SKIC3: variants seen among roughly 807,000 people sequenced by gnomAD.
The protein encoded by SKIC3 is SKI3 subunit of superkiller complex.
the SKIC3 span, among the ~76,000 whole-genome samples, chr5:95,470,833 A>C: frequency 6.6e-6 from 1 of 152,146 alleles, no homozygotes; most frequent in South Asian, 2.1e-4. Context: ...AGTATTTCTG[A>C]AGAAACAGTA....
At chr5:95,513,620 C>T in the SKIC3 span, 5 of 1,613,708 alleles carry the variant, frequency 3.1e-6, no homozygotes, top group African/African-American at 1.3e-5. Flanking sequence ...GGTGTCATAA[C>T]TTCCAACTGC....
chr5:95,477,758 T>C, the SKIC3 span, among the ~76,000 whole-genome samples: 1 of 152,186 alleles, frequency 6.6e-6, no homozygotes, highest in Non-Finnish European at 1.5e-5. Flanking sequence ...AACACTCCAT[T>C]AGAATTATAT....
chr5:95,479,084 C>A, the SKIC3 span, among the ~76,000 whole-genome samples: 2 of 151,988 alleles, frequency 1.3e-5, no homozygotes, highest in South Asian at 4.1e-4. Context: ...GTAAAAGGGG[C>A]ATAACTATAT....
At chr5:95,514,755 C>G in the SKIC3 span, 1 of 1,216,624 alleles carries the variant, frequency 8.2e-7, no homozygotes, top group East Asian at 2.6e-5. Context: ...ACAAAGTAAG[C>G]CCTCAAATGC....
chr5:95,528,076 T>A, the SKIC3 span: 52 of 1,613,842 alleles, frequency 3.2e-5, no homozygotes, highest in Non-Finnish European at 4.3e-5. Context: ...TCAAAGCCTC[T>A]GCTTTCAAAT....
At chr5:95,481,664 T>G in the SKIC3 span, among the ~76,000 whole-genome samples, 13 of 152,122 alleles carry the variant, frequency 8.5e-5, no homozygotes, top group Admixed American at 7.9e-4. Context: ...ATGTTGATCT[T>G]AAATCCTAAA....
At chr5:95,520,560 C>T in the SKIC3 span, among the ~76,000 whole-genome samples, 2 of 149,676 alleles carry the variant, frequency 1.3e-5, no homozygotes, top group Non-Finnish European at 3.0e-5. Context: ...AAAATTAATA[C>T]AACATGTATG....
At chr5:95,541,367 T>C in the SKIC3 span, 1 of 1,613,636 alleles carries the variant, frequency 6.2e-7, no homozygotes, top group South Asian at 1.1e-5. Flanking sequence ...TCACACCACT[T>C]CTGCTTGTCA....
the SKIC3 span, among the ~76,000 whole-genome samples, chr5:95,506,725 A>G: frequency 6.6e-6 from 1 of 152,210 alleles, no homozygotes; most frequent in African/African-American, 2.4e-5. Context: ...TCAACAAACC[A>G]TGAGTTCTAA....
the SKIC3 span, chr5:95,546,952 G>A: frequency 9.4e-7 from 1 of 1,063,288 alleles, no homozygotes; most frequent in Non-Finnish European, 1.4e-6. Flanking sequence ...CTACTAAATG[G>A]CCTTACCACT....
At chr5:95,504,036 C>T in the SKIC3 span, 68 of 1,228,270 alleles carry the variant, frequency 5.5e-5, no homozygotes, top group Non-Finnish European at 7.1e-5. Flanking sequence ...GGGCCGGACG[C>T]GGTGGCTCAC....
At chr5:95,530,248 G>T in the SKIC3 span, 2 of 1,611,976 alleles carry the variant, frequency 1.2e-6, no homozygotes, top group Non-Finnish European at 1.7e-6. Context: ...AAAAGGAAAG[G>T]TTATTAGTAT....
chr5:95,534,666 C>T, the SKIC3 span, among the ~76,000 whole-genome samples: 1 of 152,194 alleles, frequency 6.6e-6, no homozygotes, highest in African/African-American at 2.4e-5. Context: ...AGTCCACCTT[C>T]TTCTCTGACC....
At chr5:95,528,124 C>T in the SKIC3 span, 84 of 1,613,754 alleles carry the variant, frequency 5.2e-5, no homozygotes, top group Admixed American at 5.8e-4. Context: ...TGTTACCAGA[C>T]GCACCAAGAT....
the SKIC3 span, among the ~76,000 whole-genome samples, chr5:95,526,355 T>C: frequency 2.0e-5 from 3 of 152,162 alleles, no homozygotes; most frequent in South Asian, 6.2e-4. Flanking sequence ...GTGTTTAACA[T>C]GTTCCTTGGT....
At chr5:95,490,792 C>A in the SKIC3 span, 2 of 1,375,352 alleles carry the variant, frequency 1.5e-6, no homozygotes, top group Admixed American at 2.0e-5. Context: ...GCCACCATGC[C>A]CGGCCTAATG....
the SKIC3 span, among the ~76,000 whole-genome samples, chr5:95,475,486 C>G: frequency 6.6e-6 from 1 of 152,144 alleles, no homozygotes. Context: ...TCCCCTTTGC[C>G]TTCCACCATG....
At chr5:95,546,352 C>A in the SKIC3 span, among the ~76,000 whole-genome samples, 1,464 of 136,396 alleles carry the variant, frequency 0.011, 19 homozygotes, top group African/African-American at 0.036. Flanking sequence ...AAAAAAAAAA[C>A]AAAAAAAAAA....
At chr5:95,503,725 CA>C in the SKIC3 span, 2 of 1,576,958 alleles carry the variant, frequency 1.3e-6, no homozygotes. Context: ...ACCCCCACCC[CA>C]TCTCATTATT....
Sources: allele counts gnomAD v4.1 joint callset (sites outside exome capture counted in the v4.1 genomes callset), GRCh38; gene constraint gnomAD v4.1.1; transcripts MANE v1.5; gene names NCBI Gene and HGNC (gene_info 2026-07-23, HGNC 2026-07-21).